The following JPH3 variants were observed in gnomAD, a reference collection of about 807,000 sequenced individuals.
The protein encoded by JPH3 is junctophilin 3, also known as junctophilin-3.
JPH3 carries 11 observed loss-of-function variants against 59.6 expected under a neutral mutation model. The ratio of observed to expected loss-of-function variants is 0.18; its 90% CI spans 0.12 to 0.31. The LOEUF (loss-of-function observed/expected upper bound fraction) is 0.31. Among genes scored for constraint, JPH3 ranks in the 10% least tolerant of loss-of-function variants. The probability of loss-of-function intolerance (pLI) is 1.00; values close to 1 mark genes in which losing one functional copy is unlikely to be tolerated. For missense variants in JPH3, 1,202 were observed against 1,105.7 expected, an observed-to-expected ratio of 1.09 and a Z score of -1.24; for synonymous variants, 673 against 483.6, an observed-to-expected ratio of 1.39 and a Z score of -5.14.
Position 87,685,991 on chromosome 16 carries a change from G to A in JPH3, c.1285+1725G>A, listed in dbSNP as rs181765578. Among the ~76,000 whole-genome samples the A allele has an allele frequency of 9.2e-5, 14 of 152,254 alleles. No individual in the cohort carries two copies. The East Asian group carries it at 1.4e-3, about 15-fold the overall frequency. On this transcript the variant is annotated intron_variant, in intron 3 of 4. Transcript: ENST00000284262. ...GGGGTGAGTCCTAGATCCACGCGGC[G>A]TCCTTAGAAGAGACAGAAGAGGAGG...
intron 2 of JPH3, among the ~76,000 whole-genome samples, chr16:87,658,276 G>T (rs1442461771): frequency 6.6e-6 from 1 of 152,114 alleles, no homozygotes; most frequent in African/African-American, 2.4e-5. Context: ...GTCCCGGCAG[G>T]GATTCTGCAT....
rs73240199 is a variant in JPH3 at position 87,684,454 on chromosome 16, C to T, written c.1285+188C>T. 3.5e-3 allele frequency: 3,011 copies of T among 852,414 alleles called. 62 individuals carry two copies. In the African/African-American group the frequency reaches 0.046, roughly 13 times the overall value. The allele number at this position is 852,414 out of a possible 1,614,324, so 52.8% of individuals were successfully genotyped here. A position where few individuals can be genotyped will look rare whatever the true frequency, so the allele number is the denominator to read the frequency against. ...TTGTGCCAAGGCCTGGCCTGGCTCCCCGGGACACAGGACATGTGTCTTGGC... is the reference window on the plus strand; with the variant it reads ...TTGTGCCAAGGCCTGGCCTGGCTCCTCGGGACACAGGACATGTGTCTTGGC... On this transcript the variant is annotated intron_variant, in intron 3 of 4. Transcript: ENST00000284262.
At chr16:87,691,912 G>C (rs909222189) in intron 4 of JPH3, among the ~76,000 whole-genome samples, 1 of 152,116 alleles carries the variant, frequency 6.6e-6, no homozygotes, top group African/African-American at 2.4e-5. Context: ...TGTAGGGACG[G>C]GTTCTATTTT....
upstream of JPH3, among the ~76,000 whole-genome samples, chr16:87,602,440 GGGGCGGGGGGCGGGGGGC>G (rs1166050146): frequency 1.8e-5 from 2 of 111,944 alleles, no homozygotes; most frequent in Non-Finnish European, 3.6e-5. Context: ...GCGGGGGCGG[GGGGCGGGGGGCGGGGGGC>G]GGGCGGGGGC....
intron 1 of JPH3, among the ~76,000 whole-genome samples, chr16:87,634,736 C>G (rs913494178): frequency 1.3e-5 from 2 of 152,234 alleles, no homozygotes; most frequent in Admixed American, 6.5e-5. Context: ...GTGGTCCAGT[C>G]CAGAACGGAG....
chr16:87,660,452 A>G (rs533971939), intron 2 of JPH3, among the ~76,000 whole-genome samples: 54 of 152,250 alleles, frequency 3.5e-4, no homozygotes, highest in Admixed American at 8.5e-4. Flanking sequence ...CAAGTGGCCA[A>G]GCTAATTCGG....
chr16:87,632,637 A>C (rs1259007357), intron 1 of JPH3, among the ~76,000 whole-genome samples: 3 of 152,202 alleles, frequency 2.0e-5, no homozygotes, highest in Non-Finnish European at 2.9e-5. Flanking sequence ...TCACGCCTCT[A>C]ATCCCAGCAC....
chr16:87,687,283 G>T (rs1404035000), intron 3 of JPH3, among the ~76,000 whole-genome samples: 1 of 152,168 alleles, frequency 6.6e-6, no homozygotes, highest in Non-Finnish European at 1.5e-5. Flanking sequence ...AGGGGAACAG[G>T]GTTGCCAGAG....
intron 1 of JPH3, among the ~76,000 whole-genome samples, chr16:87,620,333 G>A (rs1171637070): frequency 1.3e-5 from 2 of 150,572 alleles, no homozygotes; most frequent in Non-Finnish European, 3.0e-5. Flanking sequence ...TAGGGGCAGG[G>A]TCCTGGTGTC....
intron 1 of JPH3, among the ~76,000 whole-genome samples, chr16:87,616,222 G>A (rs1295136963): frequency 2.5e-4 from 36 of 145,756 alleles, no homozygotes; most frequent in East Asian, 1.8e-3. Context: ...GTGTGTGTGT[G>A]TGTGTGTGTG....
intron 1 of JPH3, among the ~76,000 whole-genome samples, chr16:87,633,138 CCA>C (rs1179098680): frequency 6.6e-6 from 1 of 152,152 alleles, no homozygotes; most frequent in Non-Finnish European, 1.5e-5. Context: ...ATGGCTTAAA[CCA>C]CAGTTTATTT....
intron 1 of JPH3, among the ~76,000 whole-genome samples, chr16:87,612,389 T>C (rs533114782): frequency 1.3e-5 from 2 of 149,476 alleles, no homozygotes; most frequent in East Asian, 3.9e-4. Flanking sequence ...CCTCCTGAAG[T>C]GCTTTTACAG....
At chr16:87,639,564 A>T (rs1248989145) in intron 1 of JPH3, among the ~76,000 whole-genome samples, 1 of 151,388 alleles carries the variant, frequency 6.6e-6, no homozygotes, top group Non-Finnish European at 1.5e-5. Context: ...ATCTTCCCAA[A>T]CCGAAACTCT....
Position 87,684,128 on chromosome 16 carries a change from CCT to C in JPH3, c.1161-13_1161-12del. 8 of 1,612,306 alleles carry C rather than the reference CCT, an allele frequency of 5.0e-6. No homozygotes were observed. Among genetic ancestry groups the C allele is most frequent in the Non-Finnish European group, 6.8e-6 (8 of 1,179,090 alleles). ...CCCCCTGCCCCCCCTCACGCTCCTC[CCT>C]GTCTCCCCCAGGACCTCCCACTCTC... is the stretch of plus-strand genomic sequence containing the variant. On this transcript the variant is annotated splice_polypyrimidine_tract_variant and intron_variant, in intron 2 of 4. Coordinates refer to ENST00000284262, the MANE Select transcript of JPH3 (RefSeq NM_020655.4).
intron 1 of JPH3, among the ~76,000 whole-genome samples, chr16:87,612,699 C>A (rs1160636926): frequency 1.3e-5 from 2 of 152,128 alleles, no homozygotes; most frequent in Non-Finnish European, 2.9e-5. Flanking sequence ...TCAAGTGGTT[C>A]ATGAAATTAA....
chr16:87,607,259 G>A (rs1243052200), intron 1 of JPH3, among the ~76,000 whole-genome samples: 1 of 152,148 alleles, frequency 6.6e-6, no homozygotes, highest in Admixed American at 6.5e-5. Context: ...CGGGTGCTGT[G>A]TACACAGAAC....
At chr16:87,626,579 C>G (rs927071493) in intron 1 of JPH3, among the ~76,000 whole-genome samples, 1 of 152,268 alleles carries the variant, frequency 6.6e-6, no homozygotes, top group African/African-American at 2.4e-5. Context: ...CTGCCTGAGC[C>G]CGGTGCTCCA....
In JPH3 at chr16:87,619,934, A is replaced by G. The variant is rs577378094; in HGVS notation, c.382+16406A>G. Among the ~76,000 whole-genome samples, 161 of 152,218 alleles carry G rather than the reference A, an allele frequency of 1.1e-3. 1 individual carries two copies. Among genetic ancestry groups the G allele is most frequent in the African/African-American group, 3.7e-3 (155 of 41,532 alleles). ...ACCATGGGGCCTCCCAGACTTCAGGAGGCGCATCTGTGAGCACCAGGGACA... is the reference window on the plus strand; with the variant it reads ...ACCATGGGGCCTCCCAGACTTCAGGGGGCGCATCTGTGAGCACCAGGGACA... On this transcript the variant is annotated intron_variant, in intron 1 of 4. Transcript: ENST00000284262.
At chr16:87,684,053 G>A (rs575915799) in intron 2 of JPH3, 89 bp from the exon 3 acceptor site, 39 of 929,186 alleles carry the variant, frequency 4.2e-5, no homozygotes, top group East Asian at 7.5e-5. Context: ...AGCCCAGCCC[G>A]TTGTTGGGGG....
Sources: allele counts gnomAD v4.1 joint callset (sites outside exome capture counted in the v4.1 genomes callset), GRCh38; gene constraint gnomAD v4.1.1; transcripts MANE v1.5; gene names NCBI Gene and HGNC (gene_info 2026-07-23, HGNC 2026-07-21).